The following ST18 variants were observed in gnomAD, a reference collection of about 807,000 sequenced individuals.
ST18 encodes ST18 C2H2C-type zinc finger transcription factor, also known as suppression of tumorigenicity 18 protein.
A neutral mutation model predicts 110.0 loss-of-function variants in ST18; 50 were observed. The ratio of observed to expected loss-of-function variants is 0.45; its 90% CI spans 0.36 to 0.58. The LOEUF is 0.58. ST18 is among the 20% of genes least tolerant of loss of function. The pLI is 0.00. For synonymous variants in ST18, 461 were observed against 452.4 expected, an observed-to-expected ratio of 1.02 and a Z score of -0.24; for missense variants, 1,306 against 1,280.1, an observed-to-expected ratio of 1.02 and a Z score of -0.31.
chr8:52,398,663 C>T (rs535443021), intron 2 of ST18, among the ~76,000 whole-genome samples: 3 of 152,252 alleles, frequency 2.0e-5, no homozygotes, highest in South Asian at 2.1e-4. Flanking sequence ...GTTTTGTCTA[C>T]ATCAATTGAG....
intron 2 of ST18, among the ~76,000 whole-genome samples, chr8:52,247,772 C>T (rs1445025547): frequency 2.0e-5 from 3 of 152,116 alleles, no homozygotes; most frequent in South Asian, 4.2e-4. Context: ...GCTTTTTCCA[C>T]GATTTCTATC....
chr8:52,403,943 C>T (rs1224568840), intron 2 of ST18: 1 of 152,170 alleles, frequency 6.6e-6, no homozygotes, highest in African/African-American at 2.4e-5. Flanking sequence ...CAAACCTGGT[C>T]ACTGATGGAA....
At chr8:52,195,882 T>A (rs769672708) in intron 8 of ST18, among the ~76,000 whole-genome samples, 1 of 152,152 alleles carries the variant, frequency 6.6e-6, no homozygotes, top group African/African-American at 2.4e-5. Context: ...AATGCCACAA[T>A]AATGGGGGAT....
chr8:52,203,032 T>C (rs981654923), intron 8 of ST18, among the ~76,000 whole-genome samples: 3 of 152,230 alleles, frequency 2.0e-5, no homozygotes, highest in East Asian at 1.9e-4. Context: ...GGGTAGATAA[T>C]GTAAAATAAA....
intron 5 of ST18, among the ~76,000 whole-genome samples, chr8:52,219,090 G>A (rs911871727): frequency 6.6e-6 from 1 of 152,160 alleles, no homozygotes; most frequent in African/African-American, 2.4e-5. Context: ...GAAGAACAAA[G>A]AATCTTACAT....
intron 2 of ST18, among the ~76,000 whole-genome samples, chr8:52,278,008 A>G (rs1019539698): frequency 9.9e-5 from 15 of 152,198 alleles, no homozygotes; most frequent in African/African-American, 3.4e-4. Context: ...TGCACAAAAT[A>G]TTATAAAATT....
chr8:52,374,518 T>C (rs1831447715), intron 2 of ST18, among the ~76,000 whole-genome samples: 2 of 152,162 alleles, frequency 1.3e-5, no homozygotes, highest in Non-Finnish European at 2.9e-5. Context: ...TTTTATTTCA[T>C]TTCATTTCAT....
At chr8:52,256,955 C>A (rs1385776317) in intron 2 of ST18, among the ~76,000 whole-genome samples, 2 of 152,136 alleles carry the variant, frequency 1.3e-5, no homozygotes, top group Non-Finnish European at 2.9e-5. Flanking sequence ...CACCAAACTT[C>A]CACCCACCAA....
chr8:52,145,640 T>C (rs1206257482), intron 16 of ST18, among the ~76,000 whole-genome samples: 1 of 152,196 alleles, frequency 6.6e-6, no homozygotes, highest in Non-Finnish European at 1.5e-5. Flanking sequence ...ATTTTGAAAA[T>C]AATAATTTTA....
intron 2 of ST18, among the ~76,000 whole-genome samples, chr8:52,344,807 T>A (rs1342468724): frequency 6.6e-6 from 1 of 152,234 alleles, no homozygotes; most frequent in Non-Finnish European, 1.5e-5. Context: ...CATTTAACTA[T>A]AAAGTTTTAA....
At chr8:52,194,145 A>AT (rs1184435981) in intron 8 of ST18, among the ~76,000 whole-genome samples, 1 of 152,158 alleles carries the variant, frequency 6.6e-6, no homozygotes, top group Admixed American at 6.6e-5. Context: ...CTACCACAGA[A>AT]TTTTTTTCAT....
chr8:52,370,946 G>T (rs1358764720), intron 2 of ST18, among the ~76,000 whole-genome samples: 1 of 152,190 alleles, frequency 6.6e-6, no homozygotes, highest in Non-Finnish European at 1.5e-5. Flanking sequence ...AAAATGTAGT[G>T]GCTTTTATAG....
At chr8:52,157,849 C>T (rs925773606) in intron 15 of ST18, among the ~76,000 whole-genome samples, 1 of 152,248 alleles carries the variant, frequency 6.6e-6, no homozygotes, top group Admixed American at 6.5e-5. Context: ...CTGACCATGC[C>T]GGGGACCGGC....
At chr8:52,259,982 A>C (rs959303148) in intron 2 of ST18, among the ~76,000 whole-genome samples, 6 of 152,218 alleles carry the variant, frequency 3.9e-5, no homozygotes, top group African/African-American at 1.4e-4. Context: ...GCATCTTATA[A>C]ACTTTTACAA....
intron 2 of ST18, among the ~76,000 whole-genome samples, chr8:52,338,980 G>T (rs1175207294): frequency 6.6e-6 from 1 of 152,026 alleles, no homozygotes; most frequent in Non-Finnish European, 1.5e-5. Flanking sequence ...TGGGCCTCAA[G>T]CGACCCTCCC....
chr8:52,365,257 T>C (rs1466674941), intron 2 of ST18, among the ~76,000 whole-genome samples: 2 of 152,152 alleles, frequency 1.3e-5, no homozygotes, highest in East Asian at 1.9e-4. Flanking sequence ...TTTCTTCTAA[T>C]TGAGCTTTGT....
At chr8:52,313,952 G>A (rs1367432744) in intron 2 of ST18, among the ~76,000 whole-genome samples, 1 of 152,164 alleles carries the variant, frequency 6.6e-6, no homozygotes, top group Non-Finnish European at 1.5e-5. Flanking sequence ...CACAATGAAA[G>A]AGCTTCCATT....
At chr8:52,327,929 T>G (rs1357570017) in intron 2 of ST18, among the ~76,000 whole-genome samples, 3 of 152,258 alleles carry the variant, frequency 2.0e-5, no homozygotes, top group Non-Finnish European at 4.4e-5. Context: ...CATTAATTCA[T>G]GTTCAGAGAT....
chr8:52,373,772 G>A (rs1012112452), intron 2 of ST18, among the ~76,000 whole-genome samples: 5 of 151,726 alleles, frequency 3.3e-5, no homozygotes, highest in Admixed American at 6.6e-5. Flanking sequence ...CCTCTCCCTC[G>A]CTATGTTGTA....
Sources: allele counts gnomAD v4.1 joint callset (sites outside exome capture counted in the v4.1 genomes callset), GRCh38; gene constraint gnomAD v4.1.1; transcripts MANE v1.5; gene names NCBI Gene and HGNC (gene_info 2026-07-23, HGNC 2026-07-21).